SCARA5: variants seen among roughly 807,000 people sequenced by gnomAD.
SCARA5 encodes scavenger receptor class A, member 5 (putative).
SCARA5 carries 45 observed loss-of-function variants against 46.3 expected under a neutral mutation model. That is an observed-to-expected ratio of 0.97 (90% CI 0.76 to 1.24). The LOEUF (loss-of-function observed/expected upper bound fraction) is 1.24, where lower values mean the gene tolerates loss of function less well. Among genes scored for constraint, SCARA5 ranks in the 50% most tolerant of loss-of-function variants. The probability of loss-of-function intolerance (pLI) is 0.00; values close to 1 mark genes in which losing one functional copy is unlikely to be tolerated. For synonymous variants in SCARA5, 333 were observed against 306.5 expected (o/e 1.09, Z -0.90); for missense variants, 680 against 689.0 (o/e 0.99, Z 0.15).
intron 3 of SCARA5, among the ~76,000 whole-genome samples, chr8:27,930,476 C>T (rs1264812577): frequency 2.0e-5 from 3 of 151,746 alleles, no homozygotes; most frequent in Non-Finnish European, 2.9e-5. Flanking sequence ...GATCTCGGCT[C>T]ACAGCAACCT....
chr8:27,967,078 A>G lies in SCARA5; in HGVS notation c.113-536T>C, dbSNP rs533299931. On this transcript the variant is annotated intron_variant, in intron 2 of 8. Transcript: ENST00000354914. ...TGTGGCCAGATCCAGAATTTTCTAC[A>G]TCTATTTTTAAGGGTTGGCAACTAA... is the stretch of plus-strand genomic sequence containing the variant. 1.0e-3 allele frequency among the ~76,000 whole-genome samples: 159 copies of G among 152,306 alleles called. 3 individuals are homozygous for G. Among genetic ancestry groups the G allele is most frequent in the Admixed American group, 0.01 (157 of 15,298 alleles).
chr8:27,875,026 G>A (rs1163132552), intron 8 of SCARA5, among the ~76,000 whole-genome samples: 1 of 152,228 alleles, frequency 6.6e-6, no homozygotes, highest in African/African-American at 2.4e-5. Context: ...GCCCTGTCCA[G>A]GAGAAATGTT....
At chr8:27,974,932 A>G (rs373758343) in intron 2 of SCARA5, among the ~76,000 whole-genome samples, 3 of 147,698 alleles carry the variant, frequency 2.0e-5, no homozygotes, top group African/African-American at 5.0e-5. Flanking sequence ...GCAAAAAAAA[A>G]TCTTCTAAAG....
At chr8:27,938,480 AC>A (rs1378091696) in intron 3 of SCARA5, among the ~76,000 whole-genome samples, 1 of 152,210 alleles carries the variant, frequency 6.6e-6, no homozygotes, top group East Asian at 1.9e-4. Context: ...AAGAAATAAA[AC>A]CCTATCTGAC....
intron 4 of SCARA5, among the ~76,000 whole-genome samples, chr8:27,917,033 T>C (rs1390190107): frequency 6.6e-6 from 1 of 152,114 alleles, no homozygotes; most frequent in Non-Finnish European, 1.5e-5. Flanking sequence ...TCACCAACTA[T>C]CAACCAGAAA....
chr8:27,981,537 G>A (rs563281321), intron 2 of SCARA5, among the ~76,000 whole-genome samples: 4 of 152,342 alleles, frequency 2.6e-5, no homozygotes, highest in East Asian at 1.9e-4. Flanking sequence ...GGGCTCCCCC[G>A]TGAGTTGAGT....
At chr8:27,907,854 G>A (rs556373049) in intron 5 of SCARA5, among the ~76,000 whole-genome samples, 1 of 152,284 alleles carries the variant, frequency 6.6e-6, no homozygotes, top group South Asian at 2.1e-4. Context: ...ACAGGCGTGA[G>A]CCACCGCGTC....
At chr8:27,982,095 C>G (rs370511011) in intron 2 of SCARA5, among the ~76,000 whole-genome samples, 2 of 152,126 alleles carry the variant, frequency 1.3e-5, no homozygotes, top group Non-Finnish European at 2.9e-5. Context: ...CGGCTGCAGG[C>G]GTCGGCAGCT....
chr8:27,921,006 AAAAC>A (rs58408756), intron 4 of SCARA5, among the ~76,000 whole-genome samples: 23 of 151,748 alleles, frequency 1.5e-4, no homozygotes, highest in Admixed American at 2.6e-4. Context: ...AACAAAATAC[AAAAC>A]AAACAAACAA....
chr8:27,881,387 C>T (rs998006163), intron 7 of SCARA5, among the ~76,000 whole-genome samples: 22 of 152,146 alleles, frequency 1.4e-4, no homozygotes, highest in African/African-American at 5.3e-4. Context: ...AGAACAAAGT[C>T]ATGTCCTATG....
chr8:27,991,540 G>T (rs915752246), intron 1 of SCARA5, among the ~76,000 whole-genome samples: 2 of 152,162 alleles, frequency 1.3e-5, no homozygotes, highest in Non-Finnish European at 2.9e-5. Context: ...TCCTCTGAGT[G>T]GGTAGCACGA....
chr8:27,929,159 T>C (rs1807727666), intron 3 of SCARA5, among the ~76,000 whole-genome samples: 1 of 152,218 alleles, frequency 6.6e-6, no homozygotes, highest in African/African-American at 2.4e-5. Flanking sequence ...AATGTATTCA[T>C]GTCTGCTGCA....
At position 27,918,805 on chromosome 8, in the gene SCARA5, G is replaced by C. The variant is rs541133570; in HGVS notation, c.916+2766C>G. Among the ~76,000 whole-genome samples the C allele has an allele frequency of 4.1e-4, 61 of 149,400 alleles. 1 individual carries two copies. The highest frequency in any genetic ancestry group is 1.4e-3 in the African/African-American group (56 of 39,924). On this transcript the variant is annotated intron_variant, in intron 4 of 8. Transcript: ENST00000354914. The stretch of plus-strand genomic sequence containing the variant: ...AGGAAGAGGAGAAAGAGGAGGAGGA[G>C]GAGGGGAAGGAAAAGGATAAGGAAG...
chr8:27,909,213 G>T (rs998312113), intron 5 of SCARA5, among the ~76,000 whole-genome samples: 4 of 152,178 alleles, frequency 2.6e-5, no homozygotes, highest in African/African-American at 9.7e-5. Flanking sequence ...GTCAAAAGAG[G>T]AAGGGATAGG....
intron 7 of SCARA5, among the ~76,000 whole-genome samples, chr8:27,884,118 C>A (rs1181726341): frequency 1.3e-5 from 2 of 152,286 alleles, no homozygotes; most frequent in Non-Finnish European, 2.9e-5. Flanking sequence ...AGGAATGATG[C>A]TAAAGACTAC....
intron 3 of SCARA5, among the ~76,000 whole-genome samples, chr8:27,961,496 A>T (rs527902237): frequency 6.6e-6 from 1 of 152,230 alleles, no homozygotes; most frequent in Non-Finnish European, 1.5e-5. Flanking sequence ...TGTTTTCTTT[A>T]TAAGTTATCC....
At chr8:27,928,634 C>T (rs1433025586) in intron 3 of SCARA5, among the ~76,000 whole-genome samples, 1 of 152,110 alleles carries the variant, frequency 6.6e-6, no homozygotes, top group African/African-American at 2.4e-5. Flanking sequence ...ACACACTTGT[C>T]TGTCTTTCTT....
intron 7 of SCARA5, among the ~76,000 whole-genome samples, chr8:27,882,161 A>T (rs1174651348): frequency 6.6e-6 from 1 of 152,078 alleles, no homozygotes; most frequent in Non-Finnish European, 1.5e-5. Context: ...GGCATCTTTC[A>T]CTTAGTAATA....
chr8:27,932,406 C>T (rs1807789943), intron 3 of SCARA5, among the ~76,000 whole-genome samples: 1 of 152,212 alleles, frequency 6.6e-6, no homozygotes, highest in South Asian at 2.1e-4. Context: ...TAAGCAATTC[C>T]AGGGGGACCC....
Sources: allele counts gnomAD v4.1 joint callset (sites outside exome capture counted in the v4.1 genomes callset), GRCh38; gene constraint gnomAD v4.1.1; transcripts MANE v1.5; gene names NCBI Gene and HGNC (gene_info 2026-07-23, HGNC 2026-07-21).